The following DNAI1 variants were observed in gnomAD, a reference collection of about 807,000 sequenced individuals.
DNAI1 encodes the protein dynein axonemal intermediate chain 1, also known as dynein, axonemal, intermediate polypeptide 1.
In DNAI1, 67 loss-of-function variants were observed where a neutral mutation model predicts 92.0. The observed-to-expected ratio is 0.73, with a 90% confidence interval of 0.60 to 0.89. DNAI1 has a LOEUF of 0.89. Among genes scored for constraint, DNAI1 ranks in the 40% least tolerant of loss-of-function variants. DNAI1 has a pLI of 0.00. For synonymous variants in DNAI1, 323 were observed against 319.6 expected, an observed-to-expected ratio of 1.01 and a Z score of -0.11; for missense variants, 839 against 866.6, an observed-to-expected ratio of 0.97 and a Z score of 0.40.
intron 5 of DNAI1, 36 bp from the exon 6 acceptor site, chr9:34,489,976 C>G: frequency 6.2e-7 from 1 of 1,611,210 alleles, no homozygotes; most frequent in Non-Finnish European, 8.5e-7. Context: ...GGAGAGCAGG[C>G]TTAGACTTTG....
In DNAI1 at chr9:34,508,465, A is replaced by C. The variant is rs926057516; in HGVS notation, c.1311+1591A>C. On this transcript the variant is annotated intron_variant, in intron 13 of 19. Coordinates refer to ENST00000242317, the MANE Select transcript of DNAI1 (RefSeq NM_012144.4). Reference sequence around the variant, plus strand: ...CCACCAAAAAGTCCACCTCCCAATTAATCACCAGGCCTTCCAGACACATGT... The same window carrying C: ...CCACCAAAAAGTCCACCTCCCAATTCATCACCAGGCCTTCCAGACACATGT... Among the ~76,000 whole-genome samples, 20 of 152,120 alleles carry C rather than the reference A, an allele frequency of 1.3e-4. 1 individual carries two copies. Among genetic ancestry groups the C allele is most frequent in the Admixed American group, 2.0e-4 (3 of 15,268 alleles).
chr9:34,473,022 T>G (rs1178978098), intron 1 of DNAI1, among the ~76,000 whole-genome samples: 1 of 152,140 alleles, frequency 6.6e-6, no homozygotes, highest in East Asian at 1.9e-4. Flanking sequence ...CTTCCAGAAA[T>G]TTTGTATGTA....
At chr9:34,492,289 G>A (rs1299578608) in intron 8 of DNAI1, among the ~76,000 whole-genome samples, 2 of 151,742 alleles carry the variant, frequency 1.3e-5, no homozygotes, top group Non-Finnish European at 2.9e-5. Context: ...CACACGGTGT[G>A]ATGAGGGGCA....
At chr9:34,463,424 C>T (rs1823984685) in intron 1 of DNAI1, among the ~76,000 whole-genome samples, 1 of 152,144 alleles carries the variant, frequency 6.6e-6, no homozygotes, top group Non-Finnish European at 1.5e-5. Flanking sequence ...AACCATAAAC[C>T]ATGACCAGCT....
At position 34,458,859 on chromosome 9, in the gene DNAI1, AC is replaced by A. The variant is rs1177316495; in HGVS notation, c.-144del. On this transcript the variant is annotated 5_prime_UTR_variant, in exon 1 of 20. Coordinates refer to ENST00000242317, the MANE Select transcript of DNAI1 (RefSeq NM_012144.4). This position sits in a 1 kb window ranked among gnomAD's most constrained non-coding sequence, Gnocchi z 6.6. The stretch of plus-strand genomic sequence containing the variant: ...GATTCTATCCTGCAAGGGCACGGGG[AC>A]CCACAACGACGGCTGTCCCTAAAGA... 6.8e-6 allele frequency: 5 copies of A among 734,614 alleles called. No homozygotes were observed. The Admixed American group carries it at 1.0e-4, about 15-fold the overall frequency. The allele number at this position is 734,614 out of a possible 1,614,324, so 45.5% of individuals were successfully genotyped here.
chr9:34,465,025 G>C (rs1459142372), intron 1 of DNAI1, among the ~76,000 whole-genome samples: 1 of 152,222 alleles, frequency 6.6e-6, no homozygotes, highest in East Asian at 1.9e-4. Flanking sequence ...CAGTGAAACT[G>C]TATGGTCAGC....
In DNAI1 at chr9:34,514,393, G is replaced by A; in HGVS notation, c.1570-1G>A. Reference sequence around the variant, plus strand: ...CTGACCCCCGTTCCCTCCCCGACCAGTGCTCTAAATCCTACTCCAGCCAAT... The same window carrying A: ...CTGACCCCCGTTCCCTCCCCGACCAATGCTCTAAATCCTACTCCAGCCAAT... On this transcript the variant is annotated splice_acceptor_variant, in intron 16 of 19. Transcript: ENST00000242317. LOFTEE classifies it high-confidence loss of function. 1 of 1,613,928 alleles carries A rather than the reference G, an allele frequency of 6.2e-7. No individual in the cohort carries two copies. Among genetic ancestry groups the A allele is most frequent in the Non-Finnish European group, 8.5e-7 (1 of 1,180,040 alleles).
chr9:34,492,521 T>TCTATAG (rs1824629002), intron 8 of DNAI1, among the ~76,000 whole-genome samples: 2 of 121,022 alleles, frequency 1.7e-5, no homozygotes, highest in African/African-American at 5.9e-5. Context: ...TATATATATA[T>TCTATAG]ATATATATAT....
Position 34,490,464 on chromosome 9 carries a change from A to G in DNAI1, c.597A>G (p.Ser199=). The G allele has an allele frequency of 2.5e-6, 4 of 1,614,198 alleles. No individual in the cohort carries two copies. Among genetic ancestry groups the G allele is most frequent in the Non-Finnish European group, 3.4e-6 (4 of 1,180,026 alleles). The change falls in exon 7 of 20, where the codon TCA becomes TCG. Residue 199 remains serine, a synonymous_variant. Coordinates refer to ENST00000242317, the MANE Select transcript of DNAI1 (RefSeq NM_012144.4). ...TNQFNFSERA[S]QTYNNPVRDR... is the part of the protein sequence containing the mutation. ...AGTTCAACTTCAGTGAGAGGGCCTC[A>G]CAGACCTACAACAACCCTGTCCGGG...
chr9:34,495,514 G>T (rs1824704097), intron 9 of DNAI1, among the ~76,000 whole-genome samples: 1 of 152,182 alleles, frequency 6.6e-6, no homozygotes, highest in Non-Finnish European at 1.5e-5. Context: ...AGATAATACG[G>T]TGCAGCCCCT....
chr9:34,507,954 G>A (rs1236994409), intron 13 of DNAI1, among the ~76,000 whole-genome samples: 3 of 152,210 alleles, frequency 2.0e-5, no homozygotes, highest in Admixed American at 1.3e-4. Flanking sequence ...TCCACTGGGC[G>A]TAGATTTCAG....
Position 34,497,168 on chromosome 9 carries a change from C to A in DNAI1, c.870C>A (p.Val290=). The A allele has an allele frequency of 6.2e-7, 1 of 1,613,970 alleles. No homozygotes were observed. Among genetic ancestry groups the A allele is most frequent in the South Asian group, 1.1e-5 (1 of 91,034 alleles). Residue 290 remains valine (V), a synonymous_variant, in exon 10 of 20, where the codon GTC becomes GTA. Coordinates refer to ENST00000242317, the MANE Select transcript of DNAI1 (RefSeq NM_012144.4). ...CTGCTAAGATCATGGAGCGGATGGT[C>A]AACCAGAATACATATGATGACATTG... ...SQAAKIMERM[V]NQNTYDDIAQ... is the part of the protein sequence containing the mutation.
intron 1 of DNAI1, among the ~76,000 whole-genome samples, chr9:34,468,452 G>A (rs1037592227): frequency 6.6e-6 from 1 of 151,758 alleles, no homozygotes; most frequent in African/African-American, 2.4e-5. Flanking sequence ...GCCTCCCAAA[G>A]TGCTGGGATT....
chr9:34,490,300 T>G, intron 6 of DNAI1, 69 bp from the exon 7 acceptor site: 2 of 1,613,396 alleles, frequency 1.2e-6, no homozygotes, highest in East Asian at 2.2e-5. Flanking sequence ...GGACAGGGCT[T>G]GCCCCATCTC....
chr9:34,499,066 AT>A (rs1206293908), intron 10 of DNAI1, among the ~76,000 whole-genome samples: 1 of 152,198 alleles, frequency 6.6e-6, no homozygotes, highest in African/African-American at 2.4e-5. Flanking sequence ...TTGAACTTTG[AT>A]TTTTTTAATT....
At chr9:34,475,780 T>C (rs1824225018) in intron 1 of DNAI1, among the ~76,000 whole-genome samples, 1 of 152,214 alleles carries the variant, frequency 6.6e-6, no homozygotes, top group Non-Finnish European at 1.5e-5. Flanking sequence ...TATGGTTGAC[T>C]TCAAAGCCCA....
chr9:34,511,457 A>G (rs3793469), intron 13 of DNAI1, among the ~76,000 whole-genome samples: 26,207 of 151,934 alleles, frequency 0.17, 2,444 homozygotes, highest in East Asian at 0.33. Flanking sequence ...CACTTCCTAG[A>G]GAAAGGCCAA....
At chr9:34,504,161 G>T (rs1231499039) in intron 12 of DNAI1, among the ~76,000 whole-genome samples, 1 of 152,164 alleles carries the variant, frequency 6.6e-6, no homozygotes, top group East Asian at 1.9e-4. Flanking sequence ...CCCAGCCTCT[G>T]TCTGGGGACA....
chr9:34,502,004 C>T (rs997008659), intron 12 of DNAI1, among the ~76,000 whole-genome samples: 2 of 152,342 alleles, frequency 1.3e-5, no homozygotes, highest in Middle Eastern at 3.4e-3. Context: ...ACAGTAGTCT[C>T]GCTCCCCAGT....
Sources: allele counts gnomAD v4.1 joint callset (sites outside exome capture counted in the v4.1 genomes callset), GRCh38; gene constraint gnomAD v4.1.1; non-coding constraint Gnocchi (gnomAD v3.1); transcripts MANE v1.5; gene names NCBI Gene and HGNC (gene_info 2026-07-23, HGNC 2026-07-21).